PSTPIP2: variants seen among roughly 807,000 people sequenced by gnomAD.
PSTPIP2 encodes proline-serine-threonine phosphatase interacting protein 2, also known as proline-serine-threonine phosphatase-interacting protein 2.
In PSTPIP2, 33 loss-of-function variants were observed where a neutral mutation model predicts 63.3. That is an observed-to-expected ratio of 0.52 (90% CI 0.40 to 0.70). PSTPIP2 has a LOEUF of 0.70. PSTPIP2 is among the 30% of genes least tolerant of loss of function. The pLI, the probability that PSTPIP2 is intolerant of heterozygous loss-of-function variation, is 0.00. For synonymous variants in PSTPIP2, 125 were observed against 132.7 expected (o/e 0.94, Z 0.40); for missense variants, 312 against 400.7 (o/e 0.78, Z 1.89).
chr18:46,054,808 G>A (rs950730980), intron 1 of PSTPIP2, among the ~76,000 whole-genome samples: 18 of 151,602 alleles, frequency 1.2e-4, no homozygotes, highest in African/African-American at 3.4e-4. Flanking sequence ...TTACAGGCAC[G>A]TGCCACCACG....
chr18:46,052,926 T>A (rs1055846548), intron 1 of PSTPIP2, among the ~76,000 whole-genome samples: 1 of 152,234 alleles, frequency 6.6e-6, no homozygotes, highest in Non-Finnish European at 1.5e-5. Context: ...AGATCAATCA[T>A]ATCATTAATT....
At chr18:45,999,990 T>TTAGC (rs2051645828) in intron 6 of PSTPIP2, among the ~76,000 whole-genome samples, 1 of 151,962 alleles carries the variant, frequency 6.6e-6, no homozygotes, top group African/African-American at 2.4e-5. Flanking sequence ...AACACAAAAC[T>TTAGC]TAGCTAGGCA....
chr18:46,023,427 C>T (rs1395096134), intron 3 of PSTPIP2, among the ~76,000 whole-genome samples: 1 of 151,934 alleles, frequency 6.6e-6, no homozygotes, highest in Admixed American at 6.6e-5. Flanking sequence ...GGCATGGAGG[C>T]GCATGCCTGT....
At chr18:46,051,683 C>G (rs1409615708) in intron 1 of PSTPIP2, among the ~76,000 whole-genome samples, 1 of 152,118 alleles carries the variant, frequency 6.6e-6, no homozygotes, top group Non-Finnish European at 1.5e-5. Context: ...AGAAAAGCCC[C>G]AAACCCCCAG....
At chr18:46,018,588 C>G (rs1285666265) in intron 3 of PSTPIP2, among the ~76,000 whole-genome samples, 1 of 152,078 alleles carries the variant, frequency 6.6e-6, no homozygotes, top group African/African-American at 2.4e-5. Flanking sequence ...AGGCTGGTCT[C>G]GAACTCCTGA....
At chr18:46,058,988 T>C (rs974277137) in intron 1 of PSTPIP2, among the ~76,000 whole-genome samples, 4 of 152,320 alleles carry the variant, frequency 2.6e-5, no homozygotes, top group Admixed American at 2.6e-4. Flanking sequence ...TGCTCTTCTT[T>C]TAATACTTTA....
rs756384731 is a variant in PSTPIP2, at chr18:46,006,360, CTTTTTTT to C, written c.355-836_355-830del. On this transcript the variant is annotated intron_variant, in intron 5 of 14. Transcript: ENST00000409746. ...TGAGCCACCATGCCCAGCCCTGGTACTTTTTTTTTTTTTTTTTTTTTTTTTTTCTGAG... is the reference window on the plus strand; with the variant it reads ...TGAGCCACCATGCCCAGCCCTGGTACTTTTTTTTTTTTTTTTTTTTCTGAG... 7.8e-5 allele frequency among the ~76,000 whole-genome samples: 9 copies of C among 115,646 alleles called. 1 individual carries two copies. The highest frequency in any genetic ancestry group is 2.6e-4 in the African/African-American group (7 of 27,118). 75.9% of individuals were successfully genotyped at this position (115,646 alleles called of 152,430 possible).
At position 46,030,171 on chromosome 18, in the gene PSTPIP2, A is replaced by G. The variant is rs1052688189; in HGVS notation, c.135-5485T>C. On this transcript the variant is annotated intron_variant, in intron 2 of 14. Transcript: ENST00000409746. The stretch of plus-strand genomic sequence containing the variant: ...GAAAGAAAAGGGCAAGGCCCTGATT[A>G]TAGGTTGCACCATTACTCAGACTTC... Among the ~76,000 whole-genome samples, 24 of 152,368 alleles carry G rather than the reference A, an allele frequency of 1.6e-4. No individual in the cohort carries two copies. The East Asian group carries it at 2.1e-3, about 13-fold the overall frequency.
chr18:46,019,062 C>T (rs2051883576), intron 3 of PSTPIP2, among the ~76,000 whole-genome samples: 2 of 151,984 alleles, frequency 1.3e-5, no homozygotes, highest in Admixed American at 1.3e-4. Flanking sequence ...ACCTACACTT[C>T]CTTAAGCGAA....
At chr18:46,033,798 G>GC (rs1211474099) in intron 2 of PSTPIP2, among the ~76,000 whole-genome samples, 1 of 151,838 alleles carries the variant, frequency 6.6e-6, no homozygotes, top group Non-Finnish European at 1.5e-5. Context: ...GCCAGGACAT[G>GC]CCAAGGATTG....
chr18:46,049,056 G>A (rs939304978), intron 1 of PSTPIP2, among the ~76,000 whole-genome samples: 6 of 138,948 alleles, frequency 4.3e-5, no homozygotes, highest in African/African-American at 5.4e-5. Flanking sequence ...GTGTGTGTGT[G>A]GAGAGAGAGA....
At position 45,997,847 on chromosome 18, in the gene PSTPIP2, A is replaced by G. The variant is rs374955460; in HGVS notation, c.563-19T>C. On this transcript the variant is annotated intron_variant, in intron 8 of 14. Coordinates refer to ENST00000409746, the MANE Select transcript of PSTPIP2 (RefSeq NM_024430.4). ...GCTTTGTCTGCAACAGAAGGGAGAG[A>G]CCTGGGTCAGAAACTAGACAGGAAG... 6.2e-7 allele frequency: 1 copy of G among 1,607,978 alleles called. No individual in the cohort carries two copies.
chr18:46,042,127 A>G (rs1908216990), intron 1 of PSTPIP2, among the ~76,000 whole-genome samples: 2 of 152,228 alleles, frequency 1.3e-5, no homozygotes, highest in South Asian at 4.1e-4. Context: ...AAATCATCAA[A>G]ACTTTTACAA....
intron 3 of PSTPIP2, among the ~76,000 whole-genome samples, chr18:46,021,375 G>T (rs1907340073): frequency 1.3e-5 from 2 of 151,340 alleles, no homozygotes; most frequent in South Asian, 4.2e-4. Flanking sequence ...AAGTTTTATT[G>T]TTAGTAGCAA....
At chr18:46,050,209 T>A (rs539365741) in intron 1 of PSTPIP2, among the ~76,000 whole-genome samples, 1 of 152,276 alleles carries the variant, frequency 6.6e-6, no homozygotes, top group Admixed American at 6.5e-5. Context: ...GAGGAGTTTA[T>A]CCTACAGAAA....
Position 46,030,674 on chromosome 18 carries a change from A to G in PSTPIP2, c.135-5988T>C, listed in dbSNP as rs113912544. Among the ~76,000 whole-genome samples, 713 of 152,372 alleles carry G rather than the reference A, an allele frequency of 4.7e-3. 11 individuals are homozygous for G. The highest frequency in any genetic ancestry group is 0.029 in the Admixed American group (449 of 15,308). ...TTCATTTCTTGCTTGACTAAATTTTATCACTACGTAATCTTTTGCCAAAAT... is the reference window on the plus strand; with the variant it reads ...TTCATTTCTTGCTTGACTAAATTTTGTCACTACGTAATCTTTTGCCAAAAT... On this transcript the variant is annotated intron_variant, in intron 2 of 14. Transcript: ENST00000409746.
intron 1 of PSTPIP2, among the ~76,000 whole-genome samples, chr18:46,069,462 T>C (rs9954534): frequency 0.11 from 17,272 of 152,182 alleles, 1,345 homozygotes; most frequent in East Asian, 0.41. Flanking sequence ...GGCAAATTCA[T>C]TGGGGGCCAA....
intron 3 of PSTPIP2, among the ~76,000 whole-genome samples, chr18:46,020,618 C>T (rs189988874): frequency 2.6e-5 from 4 of 152,276 alleles, no homozygotes; most frequent in Non-Finnish European, 5.9e-5. Context: ...CGCCACTGCA[C>T]TCCAGCCTGG....
chr18:46,003,402 G>C lies in PSTPIP2; in HGVS notation c.417+2067C>G, dbSNP rs543299996. Among the ~76,000 whole-genome samples, 109 of 152,272 alleles carry C rather than the reference G, an allele frequency of 7.2e-4. No homozygotes were observed. The South Asian group carries it at 0.021, about 30-fold the overall frequency. ...GTGCTCTCTACAGCCTGGTGTGGTG[G>C]AAGTTTAGACTCTCCACTTGGCCTT... On this transcript the variant is annotated intron_variant, in intron 6 of 14. Transcript: ENST00000409746.
Sources: gnomAD v4.1 joint callset for allele counts (sites outside exome capture counted in the v4.1 genomes callset) on GRCh38, gnomAD v4.1.1 for gene constraint, MANE v1.5 for transcripts, NCBI Gene and HGNC (gene_info 2026-07-23, HGNC 2026-07-21) for gene names.